MRPS22: variants seen among roughly 807,000 people sequenced by gnomAD.
MRPS22 encodes mitochondrial ribosomal protein S22.
A neutral mutation model predicts 44.0 loss-of-function variants in MRPS22; 30 were observed. The observed-to-expected ratio is 0.68, with a 90% CI of 0.51 to 0.93. MRPS22 has a LOEUF of 0.93. Ranked by LOEUF, MRPS22 falls within the 40% of genes least tolerant of loss-of-function variation. MRPS22 has a pLI of 0.00. For missense variants in MRPS22, 447 were observed against 447.8 expected, an observed-to-expected ratio of 1.00 and a Z score of 0.02; for synonymous variants, 165 against 154.4, an observed-to-expected ratio of 1.07 and a Z score of -0.51.
At chr3:139,353,851 T>C (rs1008819935) in intron 6 of MRPS22, among the ~76,000 whole-genome samples, 1 of 152,198 alleles carries the variant, frequency 6.6e-6, no homozygotes, top group Non-Finnish European at 1.5e-5. Flanking sequence ...GTGAATGAAT[T>C]TTCCACTTAT....
Position 139,348,555 on chromosome 3 carries a change from A to G in MRPS22, c.504+231A>G, listed in dbSNP as rs1941089062. ...ATAGGCACAGTATTTTCCAGATTCC[A>G]GATGTGCTGAGGCAGAACAAGGAGT... is the stretch of plus-strand genomic sequence containing the variant. On this transcript the variant is annotated intron_variant, in intron 3 of 7. Coordinates refer to ENST00000680020, the MANE Select transcript of MRPS22 (RefSeq NM_020191.4). 3 of 524,560 alleles carry G rather than the reference A, an allele frequency of 5.7e-6. No individual in the cohort carries two copies. In the South Asian group the frequency reaches 6.0e-5, roughly 10 times the overall value. The allele number at this position is 524,560 out of a possible 1,614,324, so 32.5% of individuals were successfully genotyped here.
chr3:139,350,427 TGAC>T, intron 4 of MRPS22, 105 bp downstream of exon 4: 1 of 1,363,636 alleles, frequency 7.3e-7, no homozygotes, highest in East Asian at 2.3e-5. Context: ...AATGATAACT[TGAC>T]TTTTTTTTTT....
At position 139,345,916 on chromosome 3, in the gene MRPS22, C is replaced by T. The variant is rs148653362; in HGVS notation, c.173-962C>T. ...GTCGTGGCAGGATAGGAGAAATCAT[C>T]GAGTAAGAATCTGAGAAGGGAGAAA... On this transcript the variant is annotated intron_variant, in intron 1 of 7. Transcript: ENST00000680020. Among the ~76,000 whole-genome samples the T allele has an allele frequency of 2.1e-3, 326 of 152,126 alleles. 1 individual carries two copies. Among genetic ancestry groups the T allele is most frequent in the African/African-American group, 7.5e-3 (313 of 41,484 alleles).
At chr3:139,352,860 A>T in intron 6 of MRPS22, 68 bp downstream of exon 6, 7 of 1,536,602 alleles carry the variant, frequency 4.6e-6, no homozygotes, top group Non-Finnish European at 6.3e-6. Context: ...TATTTAGGCT[A>T]TGGTATTTTT....
intron 6 of MRPS22, among the ~76,000 whole-genome samples, chr3:139,354,531 T>C (rs1024464272): frequency 3.9e-5 from 6 of 152,182 alleles, no homozygotes; most frequent in African/African-American, 1.2e-4. Flanking sequence ...AGATTTGTGA[T>C]GAACATTTTT....
intron 2 of MRPS22, 40 bp from the exon 3 acceptor site, chr3:139,348,120 A>G: frequency 1.2e-6 from 2 of 1,603,002 alleles, no homozygotes; most frequent in Non-Finnish European, 1.7e-6. Context: ...TATATTATGT[A>G]ACCTTGTGGC....
intron 6 of MRPS22, among the ~76,000 whole-genome samples, chr3:139,355,262 C>T (rs1463962387): frequency 2.0e-5 from 3 of 152,156 alleles, no homozygotes; most frequent in South Asian, 4.1e-4. Flanking sequence ...GTGACCACCA[C>T]CCTCCTGCTT....
chr3:139,354,707 C>T (rs1393975240), intron 6 of MRPS22, among the ~76,000 whole-genome samples: 1 of 152,148 alleles, frequency 6.6e-6, no homozygotes, highest in African/African-American at 2.4e-5. Flanking sequence ...CTTCATCCCC[C>T]AGCTCAGGTA....
In MRPS22 at chr3:139,352,685, A is replaced by G; in HGVS notation, c.771A>G (p.Gly257=). ...HKTYEDIDKR[G]KYDLLRSTRY... ...CCTATGAAGATATAGATAAACGTGG[A>G]AAATATGACCTTTTACGTTCAACAA... Residue 257 remains glycine (G), a synonymous_variant, in exon 6 of 8, where the codon GGA becomes GGG. Transcript: ENST00000680020. The G allele has an allele frequency of 1.2e-6, 2 of 1,613,714 alleles. No individual in the cohort carries two copies. The highest frequency in any genetic ancestry group is 1.7e-6 in the Non-Finnish European group (2 of 1,179,662).
chr3:139,346,942 C>T lies in MRPS22; in HGVS notation c.237C>T (p.Leu79=), dbSNP rs746665311. ...TFMDEEVQSI[L]TKMTGLNLQK... ...TGGATGAGGAAGTTCAAAGCATACT[C>T]ACGAAAATGACAGGCTTGAACTTGC... Residue 79 remains leucine (L), a synonymous_variant, in exon 2 of 8, where the codon CTC becomes CTT. Coordinates refer to ENST00000680020, the MANE Select transcript of MRPS22 (RefSeq NM_020191.4). 5 of 1,614,160 alleles carry T rather than the reference C, an allele frequency of 3.1e-6. No homozygotes were observed. The highest frequency in any genetic ancestry group is 3.4e-6 in the Non-Finnish European group (4 of 1,180,030).
Position 139,356,970 on chromosome 3 carries a change from C to T in MRPS22, c.1039C>T (p.Gln347Ter), listed in dbSNP as rs1388438107. 1 of 1,613,078 alleles carries T rather than the reference C, an allele frequency of 6.2e-7. No individual in the cohort carries two copies. The highest frequency in any genetic ancestry group is 1.1e-5 in the South Asian group (1 of 90,730). ...GGGAGCCTATATAGAACTAACACTG[C>T]AGACTTATCAAGAAGCACTCAGTCG... ...QKGAYIELTLQTYQEALSRHS... is the reference protein window; with the variant it reads ...QKGAYIELTL Residue 347 changes from glutamine (Q) to a stop codon, truncating the protein, a stop_gained, in exon 8 of 8, where the codon CAG becomes TAG. Transcript: ENST00000680020. LOFTEE classifies it high-confidence loss of function.
intron 4 of MRPS22, 73 bp downstream of exon 4, chr3:139,350,395 C>T: frequency 1.3e-6 from 2 of 1,523,794 alleles, no homozygotes; most frequent in South Asian, 1.1e-5. Flanking sequence ...GGCTTTGTGC[C>T]TTGATCCAGA....
intron 5 of MRPS22, chr3:139,351,474 T>C (rs1340211451): frequency 3.4e-6 from 1 of 295,608 alleles, no homozygotes; most frequent in Non-Finnish European, 6.6e-6. Flanking sequence ...TTGGGTAGTA[T>C]AGGTGATGCC....
intron 1 of MRPS22, 21 bp downstream of exon 1, chr3:139,344,219 T>C: frequency 6.3e-7 from 1 of 1,588,206 alleles, no homozygotes; most frequent in Non-Finnish European, 8.6e-7. Flanking sequence ...TTCCGGACTT[T>C]CGCTGGGGCG....
intron 2 of MRPS22, among the ~76,000 whole-genome samples, chr3:139,347,650 A>G (rs111699958): frequency 1.8e-3 from 267 of 152,336 alleles, no homozygotes; most frequent in Non-Finnish European, 2.5e-3. Flanking sequence ...AATGTAGTCA[A>G]TGGTTAAGAG....
intron 5 of MRPS22, chr3:139,352,437 ATTCT>A: frequency 2.0e-6 from 1 of 503,068 alleles, no homozygotes; most frequent in Non-Finnish European, 3.6e-6. Context: ...CCTGGCCAAA[ATTCT>A]TTCTTAATAG....
intron 6 of MRPS22, among the ~76,000 whole-genome samples, chr3:139,353,438 A>T (rs1205657874): frequency 1.3e-5 from 2 of 152,236 alleles, no homozygotes; most frequent in Non-Finnish European, 2.9e-5. Context: ...AGGAAGCAGC[A>T]TGGCTGTAGT....
chr3:139,354,485 A>G (rs966982397), intron 6 of MRPS22, among the ~76,000 whole-genome samples: 2 of 152,222 alleles, frequency 1.3e-5, no homozygotes, highest in African/African-American at 4.8e-5. Context: ...TCGTTACTAC[A>G]TTTAGTGGAC....
chr3:139,357,004 C>T lies in MRPS22; in HGVS notation c.1073C>T (p.Ala358Val). The T allele has an allele frequency of 1.2e-6, 2 of 1,608,542 alleles. No individual in the cohort carries two copies. Among genetic ancestry groups the T allele is most frequent in the Admixed American group, 1.7e-5 (1 of 60,012 alleles). ...CAAGAAGCACTCAGTCGCCATTCTG[C>T]AGCTTCCTAAAAATATTTTAAAAAT... ...TYQEALSRHS[A>V]AS The change falls in exon 8 of 8, where the codon GCA becomes GTA. Residue 358 changes from alanine (A) to valine (V), a missense_variant. Physicochemically the swap from Ala to Val is moderately conservative, Grantham distance 64. Coordinates refer to ENST00000680020, the MANE Select transcript of MRPS22 (RefSeq NM_020191.4).
Sources: gnomAD v4.1 joint callset for allele counts (sites outside exome capture counted in the v4.1 genomes callset) on GRCh38, gnomAD v4.1.1 for gene constraint, MANE v1.5 for transcripts, NCBI Gene and HGNC (gene_info 2026-07-23, HGNC 2026-07-21) for gene names.